Variants in MCOLN2 observed in about 807,000 individuals in gnomAD.
MCOLN2 encodes the protein mucolipin-2.
MCOLN2 carries 57 observed loss-of-function variants against 67.5 expected under a neutral mutation model. That is an observed-to-expected ratio of 0.84 (90% CI 0.68 to 1.05). MCOLN2 has a LOEUF of 1.05. MCOLN2 is among the 50% of genes least tolerant of loss of function. The pLI is 0.00. For missense variants in MCOLN2, 620 were observed against 678.8 expected (o/e 0.91, Z 0.96); for synonymous variants, 246 against 233.3 (o/e 1.05, Z -0.50).
chr1:84,946,586 A>G (rs549331933), intron 7 of MCOLN2, among the ~76,000 whole-genome samples: 9 of 152,320 alleles, frequency 5.9e-5, no homozygotes, highest in South Asian at 2.1e-4. Flanking sequence ...AAATGCTCCA[A>G]TAAGCATTTC....
At chr1:84,956,859 A>G (rs1488515198) in intron 3 of MCOLN2, among the ~76,000 whole-genome samples, 1 of 152,174 alleles carries the variant, frequency 6.6e-6, no homozygotes, top group African/African-American at 2.4e-5. Context: ...CATCTACTCC[A>G]GTCCCTTGGC....
At chr1:84,927,012 G>A (rs1193297154) in intron 13 of MCOLN2, among the ~76,000 whole-genome samples, 1 of 151,650 alleles carries the variant, frequency 6.6e-6, no homozygotes, top group Non-Finnish European at 1.5e-5. Context: ...TGCCCCCAGG[G>A]AGGGGAACAT....
chr1:84,992,516 C>A (rs1323835607), intron 1 of MCOLN2, among the ~76,000 whole-genome samples: 1 of 152,102 alleles, frequency 6.6e-6, no homozygotes, highest in Non-Finnish European at 1.5e-5. Context: ...ATAAACAAAC[C>A]AAAAACATGG....
chr1:84,965,564 G>A lies in MCOLN2; in HGVS notation c.222C>T (p.Val74=). Residue 74 remains valine (V), a synonymous_variant, in exon 2 of 14, where the codon GTC becomes GTT. Transcript: ENST00000370608. ...WKLGLQILKI[V]MVTTQLVRFG... ...GATAGGTTACCTGTGTGGTGACCAT[G>A]ACTATCTTCAAAATCTGCAAACCCA... 1 of 1,613,972 alleles carries A rather than the reference G, an allele frequency of 6.2e-7. No individual in the cohort carries two copies.
intron 7 of MCOLN2, among the ~76,000 whole-genome samples, chr1:84,946,324 G>C (rs1454364146): frequency 6.6e-6 from 1 of 152,058 alleles, no homozygotes; most frequent in Non-Finnish European, 1.5e-5. Context: ...AAGCACGTCA[G>C]TCTCTCTCAC....
intron 13 of MCOLN2, among the ~76,000 whole-genome samples, chr1:84,927,563 A>G (rs1200229445): frequency 6.6e-6 from 1 of 152,168 alleles, no homozygotes; most frequent in Non-Finnish European, 1.5e-5. Flanking sequence ...CTCTGTCAAA[A>G]ACTCAAAGGA....
intron 1 of MCOLN2, among the ~76,000 whole-genome samples, chr1:84,987,490 A>G (rs1468405311): frequency 9.5e-5 from 1 of 10,524 alleles, no homozygotes; most frequent in Non-Finnish European, 4.2e-4. Context: ...ACATATATAC[A>G]TATGTATACA....
chr1:84,945,200 G>A (rs893887928), intron 7 of MCOLN2, among the ~76,000 whole-genome samples: 8 of 152,230 alleles, frequency 5.3e-5, no homozygotes, highest in Non-Finnish European at 4.4e-5. Flanking sequence ...GGCAGCAGGC[G>A]GAAGGAAAAA....
chr1:84,986,571 C>G (rs940776234), intron 1 of MCOLN2, among the ~76,000 whole-genome samples: 4 of 143,868 alleles, frequency 2.8e-5, no homozygotes, highest in Non-Finnish European at 6.1e-5. Context: ...AGCTTCTGCA[C>G]AGCAAAAGAA....
chr1:84,972,292 A>G (rs999581769), intron 1 of MCOLN2, among the ~76,000 whole-genome samples: 12 of 152,364 alleles, frequency 7.9e-5, no homozygotes, highest in African/African-American at 2.9e-4. Context: ...TTGAAATTGC[A>G]TGAAATAAAT....
At chr1:84,945,508 C>T (rs1648045969) in intron 7 of MCOLN2, among the ~76,000 whole-genome samples, 1 of 152,152 alleles carries the variant, frequency 6.6e-6, no homozygotes, top group African/African-American at 2.4e-5. Flanking sequence ...TATTATACAT[C>T]TGAAAAGCAG....
intron 1 of MCOLN2, among the ~76,000 whole-genome samples, chr1:84,989,409 T>C (rs1038359267): frequency 1.5e-4 from 23 of 152,308 alleles, no homozygotes; most frequent in African/African-American, 5.5e-4. Flanking sequence ...GGTAATTTAG[T>C]TGCCTGGTTT....
chr1:84,979,113 A>G (rs1363181197), intron 1 of MCOLN2, among the ~76,000 whole-genome samples: 2 of 152,162 alleles, frequency 1.3e-5, no homozygotes, highest in African/African-American at 4.8e-5. Flanking sequence ...TGCCTTTCCC[A>G]GCCCACTGAC....
chr1:84,930,268 T>TA (rs1557626756), intron 12 of MCOLN2, among the ~76,000 whole-genome samples: 116 of 148,526 alleles, frequency 7.8e-4, no homozygotes, highest in African/African-American at 2.8e-3. Context: ...CTCTCTTTTT[T>TA]TAAAAAAAAA....
At chr1:84,950,966 C>T (rs1286109057) in intron 6 of MCOLN2, among the ~76,000 whole-genome samples, 1 of 152,172 alleles carries the variant, frequency 6.6e-6, no homozygotes, top group Non-Finnish European at 1.5e-5. Context: ...TTTAAACCCA[C>T]ACTTCCGACC....
intron 1 of MCOLN2, among the ~76,000 whole-genome samples, chr1:84,966,801 T>C (rs762454850): frequency 1.3e-5 from 2 of 152,172 alleles, no homozygotes; most frequent in Non-Finnish European, 2.9e-5. Context: ...CACAGGACTG[T>C]TATTGTAGTC....
At chr1:84,975,515 A>G (rs746361592) in intron 1 of MCOLN2, among the ~76,000 whole-genome samples, 1 of 152,198 alleles carries the variant, frequency 6.6e-6, no homozygotes, top group Non-Finnish European at 1.5e-5. Context: ...TTAGATCACA[A>G]TGCCCAAGTC....
At chr1:84,928,622 A>G (rs78056240) in intron 13 of MCOLN2, among the ~76,000 whole-genome samples, 2,489 of 152,324 alleles carry the variant, frequency 0.016, 84 homozygotes, top group African/African-American at 0.057. Context: ...GCAGCTGCCT[A>G]TTAAGAAAAT....
chr1:84,940,756 A>C, intron 8 of MCOLN2, 123 bp downstream of exon 8: 1 of 626,202 alleles, frequency 1.6e-6, no homozygotes, highest in Non-Finnish European at 2.8e-6. Flanking sequence ...CAACTACTCA[A>C]AGGAATCTGA....
Sources: allele counts gnomAD v4.1 joint callset (sites outside exome capture counted in the v4.1 genomes callset), GRCh38; gene constraint gnomAD v4.1.1; transcripts MANE v1.5; gene names NCBI Gene and HGNC (gene_info 2026-07-23, HGNC 2026-07-21).